Variants in NLGN1 observed in about 807,000 individuals in gnomAD.
NLGN1 encodes neuroligin 1.
A neutral mutation model predicts 65.5 loss-of-function variants in NLGN1; 12 were observed. That is an observed-to-expected ratio of 0.18 (90% CI 0.12 to 0.30). The LOEUF (loss-of-function observed/expected upper bound fraction) is 0.30. NLGN1 is among the 10% of genes least tolerant of loss of function. The pLI is 1.00. For synonymous variants in NLGN1, 350 were observed against 359.5 expected, an observed-to-expected ratio of 0.97 and a Z score of 0.30; for missense variants, 750 against 1,007.1, an observed-to-expected ratio of 0.74 and a Z score of 3.46.
intron 4 of NLGN1, among the ~76,000 whole-genome samples, chr3:173,959,096 C>A (rs1026929362): frequency 6.6e-6 from 1 of 152,246 alleles, no homozygotes; most frequent in African/African-American, 2.4e-5. Flanking sequence ...CCTGGGTCTG[C>A]AGCTGTGGCT....
chr3:174,010,873 A>G (rs1725396681), intron 4 of NLGN1, among the ~76,000 whole-genome samples: 1 of 152,174 alleles, frequency 6.6e-6, no homozygotes, highest in Non-Finnish European at 1.5e-5. Flanking sequence ...TGATGGGATG[A>G]GAAGGTAAAA....
At chr3:173,405,835 G>A (rs776324407) in intron 1 of NLGN1, among the ~76,000 whole-genome samples, 7 of 151,936 alleles carry the variant, frequency 4.6e-5, no homozygotes, top group South Asian at 2.1e-4. Flanking sequence ...TTTGGTTTTC[G>A]TTTTTCAAAT....
intron 3 of NLGN1, among the ~76,000 whole-genome samples, chr3:173,610,713 A>G (rs1190329672): frequency 6.6e-6 from 1 of 151,972 alleles, no homozygotes; most frequent in Admixed American, 6.6e-5. Context: ...CCAAGTGGGC[A>G]TAGTGATCAA....
intron 3 of NLGN1, among the ~76,000 whole-genome samples, chr3:173,743,092 G>T (rs1297374211): frequency 1.3e-5 from 2 of 152,108 alleles, no homozygotes; most frequent in Non-Finnish European, 2.9e-5. Context: ...ACCAAAACTT[G>T]CATGGAACAG....
At chr3:173,750,490 G>T (rs1355894218) in intron 3 of NLGN1, among the ~76,000 whole-genome samples, 1 of 151,986 alleles carries the variant, frequency 6.6e-6, no homozygotes, top group East Asian at 1.9e-4. Context: ...ATTCTATTTG[G>T]TATTTAACAA....
intron 3 of NLGN1, among the ~76,000 whole-genome samples, chr3:173,635,879 T>C (rs1756493130): frequency 6.6e-6 from 1 of 152,142 alleles, no homozygotes. Flanking sequence ...CACATTTCTA[T>C]TGAATTTTTT....
At chr3:173,844,254 C>G (rs1725329844) in intron 4 of NLGN1, among the ~76,000 whole-genome samples, 1 of 152,090 alleles carries the variant, frequency 6.6e-6, no homozygotes, top group Non-Finnish European at 1.5e-5. Context: ...GGAGACACAG[C>G]CAAACTATAT....
intron 4 of NLGN1, among the ~76,000 whole-genome samples, chr3:174,262,181 A>G (rs1747058871): frequency 8.9e-6 from 1 of 112,016 alleles, no homozygotes; most frequent in Admixed American, 8.9e-5. Flanking sequence ...CTTTGATATC[A>G]GAATGATGCT....
chr3:173,562,624 C>T (rs887742123), intron 2 of NLGN1, among the ~76,000 whole-genome samples: 6 of 151,782 alleles, frequency 4.0e-5, no homozygotes, highest in East Asian at 1.9e-4. Flanking sequence ...TTACAAAGTA[C>T]GTTTATATGT....
intron 2 of NLGN1, among the ~76,000 whole-genome samples, chr3:173,596,187 CT>C (rs1302502584): frequency 1.3e-5 from 2 of 151,774 alleles, no homozygotes; most frequent in African/African-American, 2.4e-5. Context: ...TTCTCTCTCT[CT>C]TTTTTTTAAT....
At chr3:173,740,374 A>G (rs1774463167) in intron 3 of NLGN1, among the ~76,000 whole-genome samples, 1 of 152,104 alleles carries the variant, frequency 6.6e-6, no homozygotes, top group Non-Finnish European at 1.5e-5. Context: ...TACATTCATC[A>G]CCTGTTTAAG....
intron 4 of NLGN1, among the ~76,000 whole-genome samples, chr3:173,908,187 G>T (rs1738845121): frequency 6.6e-6 from 1 of 152,134 alleles, no homozygotes. Flanking sequence ...TATTTAAATG[G>T]TAATACCTAG....
chr3:174,195,311 A>G (rs1733205534), intron 4 of NLGN1, among the ~76,000 whole-genome samples: 2 of 152,220 alleles, frequency 1.3e-5, no homozygotes, highest in African/African-American at 4.8e-5. Flanking sequence ...TCTATTTTAG[A>G]AAATTGAATC....
At chr3:173,533,580 A>G (rs1482575376) in intron 2 of NLGN1, among the ~76,000 whole-genome samples, 1 of 152,196 alleles carries the variant, frequency 6.6e-6, no homozygotes, top group East Asian at 1.9e-4. Flanking sequence ...GAAATCCTGT[A>G]TGACAGACCC....
Position 173,467,343 on chromosome 3 carries a change from C to T in NLGN1, c.-321+32265C>T, listed in dbSNP as rs948809883. ...TTCCATTTTTCATAATTATAATGTG[C>T]TGCAAAGAATAACCTCATATATCTC... On this transcript the variant is annotated intron_variant, in intron 2 of 6. Transcript: ENST00000457714. 1.3e-4 allele frequency among the ~76,000 whole-genome samples: 20 copies of T among 151,818 alleles called. 1 individual carries two copies. Among genetic ancestry groups the T allele is most frequent in the African/African-American group, 4.6e-4 (19 of 41,336 alleles).
At chr3:174,238,163 C>T (rs957601426) in intron 4 of NLGN1, among the ~76,000 whole-genome samples, 6 of 152,186 alleles carry the variant, frequency 3.9e-5, no homozygotes, top group Non-Finnish European at 5.9e-5. Flanking sequence ...CCTTCAAACT[C>T]AGGTAAGTGT....
chr3:173,435,932 T>A (rs772761417), intron 2 of NLGN1, among the ~76,000 whole-genome samples: 9 of 152,158 alleles, frequency 5.9e-5, no homozygotes, highest in Non-Finnish European at 8.8e-5. Flanking sequence ...GAAGAATATT[T>A]TAAAGAAGAA....
intron 4 of NLGN1, among the ~76,000 whole-genome samples, chr3:174,154,966 TTATATATAA>T (rs1484730651): frequency 7.2e-6 from 1 of 138,742 alleles, no homozygotes; most frequent in Non-Finnish European, 1.5e-5. Flanking sequence ...TAATATATAA[TTATATATAA>T]TATATTATAT....
intron 4 of NLGN1, among the ~76,000 whole-genome samples, chr3:174,154,158 TA>T (rs1724906177): frequency 6.6e-6 from 1 of 152,034 alleles, no homozygotes; most frequent in African/African-American, 2.4e-5. Context: ...TCTTTAAGAA[TA>T]GCATTTTTTT....
Sources: allele counts gnomAD v4.1 joint callset (sites outside exome capture counted in the v4.1 genomes callset), GRCh38; gene constraint gnomAD v4.1.1; transcripts MANE v1.5; gene names NCBI Gene and HGNC (gene_info 2026-07-23, HGNC 2026-07-21).